UVSSA: variants seen among roughly 807,000 people sequenced by gnomAD.
The protein encoded by UVSSA is UV stimulated scaffold protein A.
In UVSSA, 72 loss-of-function variants were observed where a neutral mutation model predicts 73.9. The ratio of observed to expected loss-of-function variants is 0.97; its 90% CI spans 0.81 to 1.19. The LOEUF (loss-of-function observed/expected upper bound fraction) is 1.19, where lower values mean the gene tolerates loss of function less well. Among genes scored for constraint, UVSSA ranks in the 50% most tolerant of loss-of-function variants. The pLI, the probability that UVSSA is intolerant of heterozygous loss-of-function variation, is 0.00. For synonymous variants in UVSSA, 454 were observed against 391.3 expected, an observed-to-expected ratio of 1.16 and a Z score of -1.89; for missense variants, 1,150 against 965.0, an observed-to-expected ratio of 1.19 and a Z score of -2.54.
rs762363904 is a variant in UVSSA, at chr4:1,380,227, G to A, written c.1749G>A (p.Leu583=). 5.6e-6 allele frequency: 9 copies of A among 1,610,556 alleles called. No individual in the cohort carries two copies. In the South Asian group the frequency reaches 9.9e-5, roughly 18 times the overall value. Residue 583 remains leucine, a synonymous_variant, in exon 11 of 14, where the codon CTG becomes CTA. Transcript: ENST00000389851. ...GGCTCTGTGAGCGCCAAGACCGGCT[G>A]AAGGTGAGGCCGTGGCCCGAGGGCG... ...DGRLCERQDR[L]KCPFHGKIVP...
intron 7 of UVSSA, among the ~76,000 whole-genome samples, chr4:1,355,729 A>G (rs1715626511): frequency 6.6e-6 from 1 of 152,142 alleles, no homozygotes; most frequent in African/African-American, 2.4e-5. Context: ...TGGGAGGGTC[A>G]TGGGGGCACT....
At chr4:1,380,253 G>C in intron 11 of UVSSA, 23 bp downstream of exon 11, 1 of 1,601,594 alleles carries the variant, frequency 6.2e-7, no homozygotes, top group Non-Finnish European at 8.5e-7. Context: ...CCCGAGGGCG[G>C]GGGTGGGTGT....
upstream of UVSSA, among the ~76,000 whole-genome samples, chr4:1,344,756 G>A (rs1369797773): frequency 2.0e-5 from 3 of 152,176 alleles, no homozygotes; most frequent in Non-Finnish European, 4.4e-5. Flanking sequence ...TGTGACACAA[G>A]GGCCAGAAGT....
In UVSSA at chr4:1,380,224, G is replaced by T. The variant is rs1431647872; in HGVS notation, c.1746G>T (p.Arg582=). 9.9e-6 allele frequency: 16 copies of T among 1,610,702 alleles called. No individual in the cohort carries two copies. Among genetic ancestry groups the T allele is most frequent in the Non-Finnish European group, 1.4e-5 (16 of 1,178,506 alleles). ...PDGRLCERQD[R]LKCPFHGKIV... ...GCCGGCTCTGTGAGCGCCAAGACCG[G>T]CTGAAGGTGAGGCCGTGGCCCGAGG... Residue 582 remains arginine (R), a synonymous_variant, in exon 11 of 14, where the codon CGG becomes CGT. Coordinates refer to ENST00000389851, the MANE Select transcript of UVSSA (RefSeq NM_020894.4).
At chr4:1,362,517 T>C (rs181009840) in intron 7 of UVSSA, among the ~76,000 whole-genome samples, 1 of 152,290 alleles carries the variant, frequency 6.6e-6, no homozygotes, top group East Asian at 1.9e-4. Context: ...TTGAGAACCT[T>C]TTCCAAACCT....
intron 7 of UVSSA, among the ~76,000 whole-genome samples, chr4:1,357,377 T>C (rs1167715027): frequency 6.6e-6 from 1 of 152,262 alleles, no homozygotes; most frequent in East Asian, 1.9e-4. Context: ...CTTCTTGGCC[T>C]GAGATTCTGG....
At position 1,354,336 on chromosome 4, in the gene UVSSA, G is replaced by A. The variant is rs995464135; in HGVS notation, c.935-399G>A. Among the ~76,000 whole-genome samples the A allele has an allele frequency of 8.5e-5, 13 of 152,098 alleles. 2 individuals are homozygous for A. Among genetic ancestry groups the A allele is most frequent in the East Asian group, 3.9e-4 (2 of 5,156 alleles). ...TGGGGTGTCCAGCGGAGGAGAGGCC[G>A]GGGGGGTGGGGGCTGGTGAGGCTGG... On this transcript the variant is annotated intron_variant, in intron 5 of 13. Transcript: ENST00000389851.
chr4:1,373,361 T>C (rs932221403), intron 8 of UVSSA, among the ~76,000 whole-genome samples: 5 of 152,126 alleles, frequency 3.3e-5, no homozygotes, highest in African/African-American at 1.2e-4. Flanking sequence ...AGGCCGTCCC[T>C]CCTTTTCACG....
intron 8 of UVSSA, 123 bp downstream of exon 8, chr4:1,366,554 G>A: frequency 3.0e-6 from 2 of 662,912 alleles, no homozygotes; most frequent in East Asian, 5.5e-5. Context: ...CTGCTGCTTT[G>A]GTTTAAAATG....
At chr4:1,365,366 G>A (rs777651851) in intron 7 of UVSSA, among the ~76,000 whole-genome samples, 1 of 152,208 alleles carries the variant, frequency 6.6e-6, no homozygotes, top group Non-Finnish European at 1.5e-5. Context: ...GTGTGCAGGA[G>A]CCACCGTCTT....
chr4:1,375,350 C>G lies in UVSSA; in HGVS notation c.1289-14C>G. 3.1e-6 allele frequency: 5 copies of G among 1,612,304 alleles called. No individual in the cohort carries two copies. The highest frequency in any genetic ancestry group is 1.1e-5 in the South Asian group (1 of 90,924). On this transcript the variant is annotated splice_polypyrimidine_tract_variant and intron_variant, in intron 8 of 13. Transcript: ENST00000389851. The stretch of plus-strand genomic sequence containing the variant: ...TGGGAGTGGTGGCAGGGAGTGGACA[C>G]GTGTCTGTTTCAGGGCTGGAGGCAG...
In UVSSA at chr4:1,379,895, C is replaced by T. The variant is rs1204520301; in HGVS notation, c.1569-152C>T. On this transcript the variant is annotated intron_variant, in intron 10 of 13. Transcript: ENST00000389851. ...TGTGGCGTCAGAATTCAGACCCAGCCGGGAGTGACCGTGTTCTCCCTGGGT... is the reference window on the plus strand; with the variant it reads ...TGTGGCGTCAGAATTCAGACCCAGCTGGGAGTGACCGTGTTCTCCCTGGGT... 6.2e-5 allele frequency: 52 copies of T among 835,086 alleles called. 1 individual carries two copies. The highest frequency in any genetic ancestry group is 2.7e-4 in the South Asian group (15 of 55,368). 51.7% of individuals were successfully genotyped at this position (835,086 alleles called of 1,614,324 possible). A position where few individuals can be genotyped will look rare whatever the true frequency, so the allele number is the denominator to read the frequency against.
At chr4:1,382,845 C>G (rs556520638) in intron 12 of UVSSA, among the ~76,000 whole-genome samples, 1 of 152,224 alleles carries the variant, frequency 6.6e-6, no homozygotes, top group Non-Finnish European at 1.5e-5. Flanking sequence ...TGGCTCAGCT[C>G]GTGGGGTCCT....
chr4:1,362,905 C>T (rs926958892), intron 7 of UVSSA, among the ~76,000 whole-genome samples: 1 of 152,226 alleles, frequency 6.6e-6, no homozygotes, highest in Non-Finnish European at 1.5e-5. Context: ...GCTTCCTAGG[C>T]TCACGGCTTC....
At chr4:1,395,055 GTGCCA>G in exon 14 of UVSSA, 2 of 1,323,730 alleles carry the variant, frequency 1.5e-6, no homozygotes, top group Admixed American at 4.0e-5. Flanking sequence ...CTGCTCACAC[GTGCCA>G]ACGTGGAGTG....
chr4:1,392,654 G>C (rs1720434583), downstream of UVSSA: 1 of 152,182 alleles, frequency 6.6e-6, no homozygotes, highest in African/African-American at 2.4e-5. Context: ...CCATGTCTCA[G>C]TCTCTTTTTA....
At chr4:1,352,973 G>T in intron 4 of UVSSA, 57 bp from the exon 5 acceptor site, 1 of 1,551,794 alleles carries the variant, frequency 6.4e-7, no homozygotes, top group South Asian at 1.2e-5. Flanking sequence ...GGTTTTGAGT[G>T]GGCTGGTGCT....
intron 7 of UVSSA, among the ~76,000 whole-genome samples, chr4:1,360,185 C>T (rs1005990913): frequency 6.6e-6 from 1 of 152,216 alleles, no homozygotes; most frequent in East Asian, 1.9e-4. Context: ...CCACGGGGGG[C>T]GGGGTGCAGA....
intron 8 of UVSSA, among the ~76,000 whole-genome samples, chr4:1,368,774 G>GC (rs1717657061): frequency 6.6e-6 from 1 of 152,248 alleles, no homozygotes; most frequent in African/African-American, 2.4e-5. Context: ...TCCAGCTCAG[G>GC]CCCCAGGCTC....
Sources: gnomAD v4.1 joint callset for allele counts (sites outside exome capture counted in the v4.1 genomes callset) on GRCh38, gnomAD v4.1.1 for gene constraint, MANE v1.5 for transcripts, NCBI Gene and HGNC (gene_info 2026-07-23, HGNC 2026-07-21) for gene names.